Variants in MAF observed in about 807,000 individuals in gnomAD.
The protein encoded by MAF is transcription factor Maf.
MAF carries 10 observed loss-of-function variants against 22.0 expected under a neutral mutation model. The observed-to-expected ratio is 0.45, with a 90% CI of 0.28 to 0.77. The LOEUF is 0.77. Ranked by LOEUF, MAF falls within the 30% of genes least tolerant of loss-of-function variation. The pLI, the probability that MAF is intolerant of heterozygous loss-of-function variation, is 0.12. For missense variants in MAF, 544 were observed against 548.4 expected (o/e 0.99, Z 0.08); for synonymous variants, 337 against 255.8 (o/e 1.32, Z -3.03).
At chr16:79,248,492 T>C in the MAF span, among the ~76,000 whole-genome samples, 1 of 152,208 alleles carries the variant, frequency 6.6e-6, no homozygotes, top group Non-Finnish European at 1.5e-5. Context: ...AGACTTGTTT[T>C]TCCACAGGAA....
At chr16:79,505,642 G>C in the MAF span, 2 of 152,248 alleles carry the variant, frequency 1.3e-5, no homozygotes, top group African/African-American at 4.8e-5. Flanking sequence ...AGCCACGACT[G>C]GTCTCTGGGC....
At chr16:79,375,510 G>A in the MAF span, among the ~76,000 whole-genome samples, 1 of 152,146 alleles carries the variant, frequency 6.6e-6, no homozygotes, top group South Asian at 2.1e-4. Flanking sequence ...TGATGATGAT[G>A]ATGATATATT....
intron 1 of MAF, chr16:79,595,396 C>T (rs1022378271): frequency 2.8e-6 from 3 of 1,052,902 alleles, no homozygotes; most frequent in African/African-American, 3.3e-5. Context: ...GTCTTTCAGT[C>T]AGAGTTGCAA....
the MAF span, among the ~76,000 whole-genome samples, chr16:79,370,932 T>C: frequency 2.6e-5 from 4 of 152,226 alleles, no homozygotes; most frequent in African/African-American, 7.2e-5. Flanking sequence ...CTGGGTGTTG[T>C]TGCTATGTAA....
chr16:79,569,538 C>T, the MAF span, among the ~76,000 whole-genome samples: 11 of 152,208 alleles, frequency 7.2e-5, no homozygotes, highest in East Asian at 9.7e-4. Flanking sequence ...AGGTTTGAAA[C>T]GTAATTCTCA....
At chr16:79,434,975 G>C in the MAF span, among the ~76,000 whole-genome samples, 1 of 152,100 alleles carries the variant, frequency 6.6e-6, no homozygotes, top group Non-Finnish European at 1.5e-5. Context: ...GAGATCACTT[G>C]GGCCCAGATC....
At chr16:79,215,691 T>C in the MAF span, among the ~76,000 whole-genome samples, 20 of 152,312 alleles carry the variant, frequency 1.3e-4, no homozygotes, top group East Asian at 3.9e-4. Context: ...CCAAGTCATA[T>C]AGACCAAGGC....
At chr16:79,333,097 A>G in the MAF span, among the ~76,000 whole-genome samples, 2 of 152,128 alleles carry the variant, frequency 1.3e-5, no homozygotes, top group African/African-American at 4.8e-5. Flanking sequence ...TGCAGTCCTC[A>G]TTTCCCATCT....
chr16:79,295,209 A>G, the MAF span, among the ~76,000 whole-genome samples: 1 of 152,188 alleles, frequency 6.6e-6, no homozygotes, highest in South Asian at 2.1e-4. Flanking sequence ...GTTTTCAACC[A>G]GTCTTTGGAG....
chr16:79,435,051 T>G, the MAF span, among the ~76,000 whole-genome samples: 9 of 152,052 alleles, frequency 5.9e-5, no homozygotes, highest in African/African-American at 1.9e-4. Context: ...GCGAAGTGAG[T>G]TGACACATCC....
the MAF span, among the ~76,000 whole-genome samples, chr16:79,576,639 G>C: frequency 6.6e-6 from 1 of 152,014 alleles, no homozygotes; most frequent in African/African-American, 2.4e-5. Context: ...GTGTAGGAGG[G>C]AAACGTCCAA....
the MAF span, among the ~76,000 whole-genome samples, chr16:79,357,252 TCACAACAAC>T: frequency 9.0e-6 from 1 of 111,436 alleles, no homozygotes; most frequent in African/African-American, 3.7e-5. Flanking sequence ...CAAGACTCTG[TCACAACAAC>T]AACAACAACA....
chr16:79,544,772 CAA>C, the MAF span, among the ~76,000 whole-genome samples: 5,480 of 113,516 alleles, frequency 0.048, 155 homozygotes, highest in Non-Finnish European at 0.06. Flanking sequence ...GGCTCTGTCT[CAA>C]AAAAAAAAAA....
At chr16:79,275,161 G>C in the MAF span, among the ~76,000 whole-genome samples, 3 of 152,076 alleles carry the variant, frequency 2.0e-5, no homozygotes, top group Non-Finnish European at 4.4e-5. Flanking sequence ...TCTGAGACCA[G>C]CTTGGCCAAC....
the MAF span, among the ~76,000 whole-genome samples, chr16:79,280,729 G>A: frequency 3.3e-5 from 5 of 152,156 alleles, no homozygotes; most frequent in African/African-American, 1.2e-4. Context: ...CCACTGTCTT[G>A]TCCAGCCCCT....
At chr16:79,323,650 C>A in the MAF span, among the ~76,000 whole-genome samples, 1 of 152,120 alleles carries the variant, frequency 6.6e-6, no homozygotes, top group African/African-American at 2.4e-5. Context: ...AAGCAGCTGG[C>A]ACCGAGGTGA....
At chr16:79,474,998 CAGA>C in the MAF span, among the ~76,000 whole-genome samples, 1 of 152,208 alleles carries the variant, frequency 6.6e-6, no homozygotes, top group African/African-American at 2.4e-5. Context: ...GTGCTGGTAG[CAGA>C]AGATGTTCAT....
the MAF span, among the ~76,000 whole-genome samples, chr16:79,360,223 T>A: frequency 6.6e-6 from 1 of 152,202 alleles, no homozygotes; most frequent in Non-Finnish European, 1.5e-5. Context: ...GCTCTCCCCA[T>A]CTTTTTGAAC....
chr16:79,241,272 C>A, the MAF span, among the ~76,000 whole-genome samples: 6 of 151,888 alleles, frequency 4.0e-5, no homozygotes, highest in African/African-American at 1.2e-4. Flanking sequence ...TCTAACCCAA[C>A]GCAAGGAAGC....
Sources: allele counts gnomAD v4.1 joint callset (sites outside exome capture counted in the v4.1 genomes callset), GRCh38; gene constraint gnomAD v4.1.1; transcripts MANE v1.5; gene names NCBI Gene and HGNC (gene_info 2026-07-23, HGNC 2026-07-21).